STK39: variants seen among roughly 807,000 people sequenced by gnomAD.
STK39 encodes serine/threonine kinase 39, also known as STE20/SPS1-related proline-alanine-rich protein kinase.
Under a neutral mutation model 77.8 loss-of-function variants are expected in STK39, and 20 were observed. That is an observed-to-expected ratio of 0.26 (90% CI 0.18 to 0.37). The LOEUF (loss-of-function observed/expected upper bound fraction) is 0.37. Among genes scored for constraint, STK39 ranks in the 10% least tolerant of loss-of-function variants. The probability of loss-of-function intolerance (pLI) is 1.00; values close to 1 mark genes in which losing one functional copy is unlikely to be tolerated. For missense variants in STK39, 479 were observed against 656.5 expected, an observed-to-expected ratio of 0.73 and a Z score of 2.95; for synonymous variants, 246 against 234.1, an observed-to-expected ratio of 1.05 and a Z score of -0.47.
At chr2:168,174,136 T>A (rs1411025005) in intron 2 of STK39, among the ~76,000 whole-genome samples, 1 of 152,156 alleles carries the variant, frequency 6.6e-6, no homozygotes, top group African/African-American at 2.4e-5. Context: ...TAGAAACATT[T>A]TTAAGAAATC....
intron 1 of STK39, among the ~76,000 whole-genome samples, chr2:168,198,304 T>A (rs1464063675): frequency 6.6e-6 from 1 of 152,158 alleles, no homozygotes; most frequent in Non-Finnish European, 1.5e-5. Flanking sequence ...TGGTACAACA[T>A]CCCAACATGT....
At chr2:168,118,617 A>AAC (rs1422399219) in intron 10 of STK39, among the ~76,000 whole-genome samples, 1 of 151,510 alleles carries the variant, frequency 6.6e-6, no homozygotes, top group Non-Finnish European at 1.5e-5. Context: ...AAAAAAAAAA[A>AAC]AAAAAACAAC....
At position 167,955,621 on chromosome 2, in the gene STK39, T is replaced by C. The variant is rs772651131; in HGVS notation, c.1564-51A>G. On this transcript the variant is annotated intron_variant, in intron 17 of 17. Transcript: ENST00000355999. Reference sequence around the variant, plus strand: ...ATGCTGGTTTGCTGCTGCTGCTGGTTGTTAAAGTCTTGTTCCTATGATGGC... The same window carrying C: ...ATGCTGGTTTGCTGCTGCTGCTGGTCGTTAAAGTCTTGTTCCTATGATGGC... 371 of 1,573,434 alleles carry C rather than the reference T, an allele frequency of 2.4e-4. 2 individuals carry two copies. In the Middle Eastern group the frequency reaches 3.2e-3, roughly 13 times the overall value.
intron 5 of STK39, 36 bp from the exon 6 acceptor site, chr2:168,140,794 A>G: frequency 6.6e-7 from 1 of 1,512,288 alleles, no homozygotes; most frequent in Middle Eastern, 1.7e-4. Flanking sequence ...TATTTTATGT[A>G]AGACATTATT....
intron 1 of STK39, among the ~76,000 whole-genome samples, chr2:168,238,249 A>G (rs1057459524): frequency 1.3e-5 from 2 of 152,252 alleles, no homozygotes; most frequent in Non-Finnish European, 2.9e-5. Flanking sequence ...ATGAAGATCT[A>G]TCATTCACAG....
intron 5 of STK39, among the ~76,000 whole-genome samples, chr2:168,148,472 C>T (rs781593640): frequency 2.6e-5 from 4 of 152,146 alleles, no homozygotes; most frequent in Admixed American, 6.5e-5. Context: ...TCCAGGTGGA[C>T]GTTGCGCTTC....
chr2:168,001,220 T>C (rs1302175959), intron 16 of STK39, among the ~76,000 whole-genome samples: 1 of 150,010 alleles, frequency 6.7e-6, no homozygotes, highest in Non-Finnish European at 1.5e-5. Flanking sequence ...AAATATCACA[T>C]GTATCCCCCA....
chr2:168,197,596 T>G (rs765940590), intron 1 of STK39, among the ~76,000 whole-genome samples: 3 of 152,202 alleles, frequency 2.0e-5, no homozygotes, highest in Non-Finnish European at 1.5e-5. Flanking sequence ...TACAAATGGG[T>G]ATTCATGTGT....
intron 16 of STK39, among the ~76,000 whole-genome samples, chr2:167,993,578 A>G (rs1005587280): frequency 2.0e-5 from 3 of 152,186 alleles, no homozygotes; most frequent in Non-Finnish European, 4.4e-5. Flanking sequence ...GAGCCGGGCT[A>G]AGGGAAGGAA....
At position 168,246,409 on chromosome 2, in the gene STK39, C is replaced by A. The variant is rs192002215; in HGVS notation, c.208+819G>T. Among the ~76,000 whole-genome samples the A allele has an allele frequency of 3.3e-3, 497 of 152,366 alleles. 6 individuals carry two copies. Among genetic ancestry groups the A allele is most frequent in the African/African-American group, 0.011 (463 of 41,590 alleles). ...GATAAGGTGATATTTGTGAGCCGGC[C>A]AGAAGGCAACGAAAGGCAGAGAGCA... On this transcript the variant is annotated intron_variant, in intron 1 of 17. Coordinates refer to ENST00000355999, the MANE Select transcript of STK39 (RefSeq NM_013233.3).
At chr2:168,089,275 C>A (rs552436825) in intron 10 of STK39, among the ~76,000 whole-genome samples, 20 of 152,308 alleles carry the variant, frequency 1.3e-4, no homozygotes, top group Admixed American at 1.0e-3. Flanking sequence ...CTTCTTCGTC[C>A]AGTAAAGGTT....
At chr2:168,154,705 T>TAAACTAG (rs1160071746) in intron 5 of STK39, among the ~76,000 whole-genome samples, 4 of 57,046 alleles carry the variant, frequency 7.0e-5, no homozygotes. Flanking sequence ...ATGTGTCACC[T>TAAACTAG]AAACTCCATG....
chr2:168,123,924 G>C (rs1346301866), intron 10 of STK39, among the ~76,000 whole-genome samples: 1 of 151,190 alleles, frequency 6.6e-6, no homozygotes, highest in Non-Finnish European at 1.5e-5. Context: ...CTCAACACTT[G>C]TAAGTATTAA....
intron 16 of STK39, among the ~76,000 whole-genome samples, chr2:167,995,974 G>A (rs1420345818): frequency 1.3e-5 from 2 of 152,150 alleles, no homozygotes; most frequent in Admixed American, 6.5e-5. Context: ...TGCTGTCACC[G>A]TATTGAAATT....
At chr2:168,122,553 A>G (rs921306018) in intron 10 of STK39, among the ~76,000 whole-genome samples, 2 of 151,564 alleles carry the variant, frequency 1.3e-5, no homozygotes, top group Non-Finnish European at 2.9e-5. Context: ...AATCCTCCCA[A>G]CTCAGCCTCC....
chr2:168,196,928 G>C (rs1393425249), intron 1 of STK39, among the ~76,000 whole-genome samples: 1 of 152,152 alleles, frequency 6.6e-6, no homozygotes, highest in Non-Finnish European at 1.5e-5. Context: ...GTGGAAAGAG[G>C]TGGTAGGGCA....
intron 3 of STK39, 128 bp downstream of exon 3, chr2:168,167,171 A>G: frequency 6.6e-6 from 5 of 753,822 alleles, no homozygotes; most frequent in Non-Finnish European, 1.1e-5. Context: ...TCCTCTAGGC[A>G]ATGAGAAACC....
At chr2:168,031,187 T>C (rs1203887339) in intron 14 of STK39, among the ~76,000 whole-genome samples, 2 of 152,010 alleles carry the variant, frequency 1.3e-5, no homozygotes, top group African/African-American at 2.4e-5. Flanking sequence ...TAGGGTGACA[T>C]CTCCCAGAAG....
intron 10 of STK39, among the ~76,000 whole-genome samples, chr2:168,127,191 G>T (rs114302919): frequency 0.055 from 8,329 of 152,152 alleles, 440 homozygotes; most frequent in African/African-American, 0.14. Context: ...TTGCTCTGCC[G>T]CTAGGCTGGA....
Sources: allele counts gnomAD v4.1 joint callset (sites outside exome capture counted in the v4.1 genomes callset), GRCh38; gene constraint gnomAD v4.1.1; transcripts MANE v1.5; gene names NCBI Gene and HGNC (gene_info 2026-07-23, HGNC 2026-07-21).